DTL: variants seen among roughly 807,000 people sequenced by gnomAD.
DTL encodes the protein denticleless E3 ubiquitin protein ligase adapter, also known as denticleless protein homolog.
A neutral mutation model predicts 87.0 loss-of-function variants in DTL; 46 were observed. That is an observed-to-expected ratio of 0.53 (90% CI 0.42 to 0.68). The LOEUF is 0.68. Among genes scored for constraint, DTL ranks in the 30% least tolerant of loss-of-function variants. The pLI is 0.00. For missense variants in DTL, 737 were observed against 869.4 expected (o/e 0.85, Z 1.91); for synonymous variants, 308 against 311.2 (o/e 0.99, Z 0.11).
intron 6 of DTL, 92 bp downstream of exon 6, chr1:212,063,041 C>T (rs1358643349): frequency 4.2e-6 from 4 of 945,060 alleles, no homozygotes; most frequent in Middle Eastern, 4.2e-4. Context: ...TGATTACCAC[C>T]AGGGGGCATG....
At chr1:212,094,381 T>G (rs1655381524) in intron 13 of DTL, among the ~76,000 whole-genome samples, 1 of 152,242 alleles carries the variant, frequency 6.6e-6, no homozygotes. Context: ...CTCATGTTTT[T>G]GTTTGCTTTG....
intron 10 of DTL, among the ~76,000 whole-genome samples, chr1:212,070,907 G>T (rs191777486): frequency 2.0e-4 from 30 of 152,222 alleles, no homozygotes; most frequent in African/African-American, 7.0e-4. Flanking sequence ...ACCAGCAGAG[G>T]GCAATAAATA....
chr1:212,087,045 CACTATTG>C (rs1268840184), intron 13 of DTL, among the ~76,000 whole-genome samples: 2 of 152,168 alleles, frequency 1.3e-5, no homozygotes, highest in East Asian at 3.9e-4. Context: ...AACGTTTAGC[CACTATTG>C]ACTCCTAGCA....
intron 5 of DTL, among the ~76,000 whole-genome samples, chr1:212,054,521 C>T (rs1668101530): frequency 6.6e-6 from 1 of 151,740 alleles, no homozygotes; most frequent in Admixed American, 6.6e-5. Context: ...GGGCCAGGCA[C>T]GGTGGCTCAT....
chr1:212,048,976 G>A (rs1313088695), intron 5 of DTL, among the ~76,000 whole-genome samples: 10 of 152,092 alleles, frequency 6.6e-5, no homozygotes, highest in African/African-American at 2.4e-4. Flanking sequence ...AGGCTGGAAT[G>A]CAGTGGCGTG....
At chr1:212,035,983 T>G in intron 1 of DTL, 41 bp downstream of exon 1, 2 of 1,604,868 alleles carry the variant, frequency 1.2e-6, no homozygotes, top group Non-Finnish European at 1.7e-6. Flanking sequence ...CTGGCGGAAT[T>G]CATTTCCCCC....
At chr1:212,074,098 T>C (rs1249967765) in intron 11 of DTL, among the ~76,000 whole-genome samples, 3 of 151,864 alleles carry the variant, frequency 2.0e-5, no homozygotes, top group Non-Finnish European at 4.4e-5. Flanking sequence ...TAAGAATAAT[T>C]CAAAAAATAC....
At chr1:212,045,646 C>G (rs150377781) in intron 3 of DTL, among the ~76,000 whole-genome samples, 12 of 152,038 alleles carry the variant, frequency 7.9e-5, no homozygotes, top group African/African-American at 2.9e-4. Context: ...GGAAAACTTA[C>G]GAAGCATGGG....
At chr1:212,055,279 C>G (rs1668135377) in intron 5 of DTL, among the ~76,000 whole-genome samples, 1 of 152,168 alleles carries the variant, frequency 6.6e-6, no homozygotes. Flanking sequence ...CAAATACCCA[C>G]TGTGAACCCT....
chr1:212,041,334 C>G (rs1667634230), intron 1 of DTL, among the ~76,000 whole-genome samples: 1 of 151,638 alleles, frequency 6.6e-6, no homozygotes, highest in Non-Finnish European at 1.5e-5. Context: ...GTATCATCTT[C>G]ATTTCAACCA....
intron 13 of DTL, among the ~76,000 whole-genome samples, chr1:212,099,841 C>G (rs1296908725): frequency 6.6e-6 from 1 of 152,194 alleles, no homozygotes; most frequent in Middle Eastern, 3.2e-3. Context: ...GCTGTTCTGT[C>G]TGTCTGAGTG....
intron 13 of DTL, among the ~76,000 whole-genome samples, chr1:212,091,264 A>G (rs934535880): frequency 2.0e-5 from 3 of 152,176 alleles, no homozygotes; most frequent in African/African-American, 7.2e-5. Context: ...ATCCCCTCAC[A>G]CCTGTTAGGA....
intron 1 of DTL, among the ~76,000 whole-genome samples, 163 bp from the exon 2 acceptor site, chr1:212,042,830 C>A (rs1309878459): frequency 6.6e-6 from 1 of 152,150 alleles, no homozygotes; most frequent in Non-Finnish European, 1.5e-5. Context: ...CTTAGGACTC[C>A]TTAATGAAAT....
At chr1:212,077,147 A>G (rs79063456) in intron 11 of DTL, among the ~76,000 whole-genome samples, 3,995 of 152,284 alleles carry the variant, frequency 0.026, 60 homozygotes, top group African/African-American at 0.047. Context: ...TCAGAGCCTC[A>G]GGAAAATGAA....
chr1:212,085,299 T>A (rs1207452557), intron 13 of DTL, among the ~76,000 whole-genome samples: 1 of 152,226 alleles, frequency 6.6e-6, no homozygotes, highest in Non-Finnish European at 1.5e-5. Context: ...TATGTTCTTG[T>A]CAACATTTGT....
chr1:212,035,809 A>G lies in DTL; in HGVS notation c.-82A>G. The G allele has an allele frequency of 1.5e-6, 2 of 1,377,810 alleles. No homozygotes were observed. The highest frequency in any genetic ancestry group is 1.2e-5 in the South Asian group (1 of 84,060). 85.3% of individuals were successfully genotyped at this position (1,377,810 alleles called of 1,614,324 possible). ...GGAGGCGATAACGATTTGTGTTGTGAGAGGCGCAAGCTGCGATTTCTGCTG... is the reference window on the plus strand; with the variant it reads ...GGAGGCGATAACGATTTGTGTTGTGGGAGGCGCAAGCTGCGATTTCTGCTG... On this transcript the variant is annotated 5_prime_UTR_variant, in exon 1 of 15. Transcript: ENST00000366991.
intron 11 of DTL, among the ~76,000 whole-genome samples, chr1:212,074,742 CAG>C (rs1221180340): frequency 6.6e-6 from 1 of 152,022 alleles, no homozygotes; most frequent in Non-Finnish European, 1.5e-5. Context: ...TTCAAAAAGT[CAG>C]AATTCTCTTA....
Position 212,062,881 on chromosome 1 carries a change from C to T in DTL, c.461-3C>T. The T allele has an allele frequency of 6.2e-7, 1 of 1,612,440 alleles. No individual in the cohort carries two copies. ...TCTTAATAATCTGTTTATTTCCCCA[C>T]AGCTGTATTCTGTACGGGTGGAAGA... On this transcript the variant is annotated splice_polypyrimidine_tract_variant and splice_region_variant and intron_variant, in intron 5 of 14. Transcript: ENST00000366991.
At chr1:212,074,314 C>T (rs1411894975) in intron 11 of DTL, among the ~76,000 whole-genome samples, 1 of 151,102 alleles carries the variant, frequency 6.6e-6, no homozygotes, top group Non-Finnish European at 1.5e-5. Flanking sequence ...AAAGTTCCTT[C>T]CTCTTCTCTA....
Sources: allele counts gnomAD v4.1 joint callset (sites outside exome capture counted in the v4.1 genomes callset), GRCh38; gene constraint gnomAD v4.1.1; transcripts MANE v1.5; gene names NCBI Gene and HGNC (gene_info 2026-07-23, HGNC 2026-07-21).